Variants in SUPT20H observed in about 807,000 individuals in gnomAD.
SUPT20H encodes the protein SPT20 homolog, SAGA complex component, also known as transcription factor SPT20 homolog.
SUPT20H carries 82 observed loss-of-function variants against 122.8 expected under a neutral mutation model. That is an observed-to-expected ratio of 0.67 (90% CI 0.56 to 0.80). SUPT20H has a LOEUF of 0.80. Among genes scored for constraint, SUPT20H ranks in the 30% least tolerant of loss-of-function variants. SUPT20H has a pLI of 0.00. For missense variants in SUPT20H, 831 were observed against 921.6 expected, an observed-to-expected ratio of 0.90 and a Z score of 1.27; for synonymous variants, 291 against 313.0, an observed-to-expected ratio of 0.93 and a Z score of 0.74.
chr13:37,048,574 T>G lies in SUPT20H; in HGVS notation c.29A>C (p.Asp10Ala). 6.2e-7 allele frequency: 1 copy of G among 1,601,094 alleles called. No individual in the cohort carries two copies. The highest frequency in any genetic ancestry group is 1.1e-5 in the South Asian group (1 of 87,922). Reference sequence around the variant, plus strand: ...TTAGTCACACCTCACCTCTGCACGATCCAAAGCTAGTTCTAAAGCTTGTTG... The same window carrying G: ...TTAGTCACACCTCACCTCTGCACGAGCCAAAGCTAGTTCTAAAGCTTGTTG... MQQALELAL[D>A]RAEYVIESAR... Residue 10 changes from aspartate (D) to alanine (A), a missense_variant, in exon 3 of 26, where the codon GAT (aspartate) becomes GCT (alanine). Transcript: ENST00000350612.
Position 37,022,292 on chromosome 13 carries a change from A to G in SUPT20H, c.1592-212T>C, listed in dbSNP as rs1249969975. 3 of 1,427,618 alleles carry G rather than the reference A, an allele frequency of 2.1e-6. No individual in the cohort carries two copies. The highest frequency in any genetic ancestry group is 2.8e-6 in the Non-Finnish European group (3 of 1,086,668). The allele number at this position is 1,427,618 out of a possible 1,614,324, so 88.4% of individuals were successfully genotyped here. A position where few individuals can be genotyped will look rare whatever the true frequency, so the allele number is the denominator to read the frequency against. On this transcript the variant is annotated intron_variant, in intron 19 of 25. Transcript: ENST00000350612. The surrounding 1 kb of genome is among the most constrained non-coding windows in gnomAD (Gnocchi z 4.5). ...GGGTCGATGAAGGGGTTGGTGTAGG[A>G]GTAGATGGCTTAGGAGTTCCAGATC... is the stretch of plus-strand genomic sequence containing the variant.
intron 1 of SUPT20H, among the ~76,000 whole-genome samples, chr13:37,057,524 TAAAA>T (rs35735192): frequency 4.6e-5 from 5 of 108,460 alleles, no homozygotes; most frequent in Admixed American, 1.0e-4. Flanking sequence ...GCCAAGCCAT[TAAAA>T]AAAAAAAAAA....
At chr13:37,049,126 T>C (rs1200453191) in intron 2 of SUPT20H, among the ~76,000 whole-genome samples, 1 of 152,120 alleles carries the variant, frequency 6.6e-6, no homozygotes, top group African/African-American at 2.4e-5. Flanking sequence ...CATGTTTCAA[T>C]GAATTCAAGA....
intron 12 of SUPT20H, among the ~76,000 whole-genome samples, chr13:37,031,026 A>G (rs1444209837): frequency 6.6e-6 from 1 of 152,156 alleles, no homozygotes; most frequent in Non-Finnish European, 1.5e-5. Context: ...ACATAGGATC[A>G]CTCATCAAAA....
chr13:37,031,664 TATAA>T lies in SUPT20H; in HGVS notation c.865-45_865-42del, dbSNP rs1419876877. Reference sequence around the variant, plus strand: ...CAATATACTGAAAAATTAAAAACAATATAAATATACTGAAAATGCTAAATAAGAC... The same window carrying T: ...CAATATACTGAAAAATTAAAAACAATATATACTGAAAATGCTAAATAAGAC... On this transcript the variant is annotated intron_variant, in intron 11 of 25. Coordinates refer to ENST00000350612, the MANE Select transcript of SUPT20H (RefSeq NM_001014286.3). The T allele has an allele frequency of 1.9e-6, 3 of 1,541,922 alleles. No homozygotes were observed. The Admixed American group carries it at 6.7e-5, about 34-fold the overall frequency.
intron 23 of SUPT20H, 72 bp downstream of exon 23, chr13:37,017,173 G>T: frequency 1.3e-6 from 2 of 1,590,644 alleles, no homozygotes; most frequent in Non-Finnish European, 1.7e-6. Context: ...AGCAAATGAA[G>T]TATGCTTGGA....
At chr13:37,031,487 T>G (rs1386774114) in intron 12 of SUPT20H, 80 bp downstream of exon 12, 10 of 898,276 alleles carry the variant, frequency 1.1e-5, no homozygotes, top group East Asian at 2.8e-5. Flanking sequence ...GTTTTTTTTT[T>G]GTTTTCTCAA....
At chr13:37,052,529 G>A (rs1356292545) in intron 1 of SUPT20H, among the ~76,000 whole-genome samples, 3 of 41,224 alleles carry the variant, frequency 7.3e-5, no homozygotes. Flanking sequence ...AACTCAAGAT[G>A]GAATAAAGAC....
intron 6 of SUPT20H, among the ~76,000 whole-genome samples, chr13:37,044,505 A>C (rs922527863): frequency 9.9e-5 from 15 of 152,150 alleles, no homozygotes; most frequent in Admixed American, 8.5e-4. Flanking sequence ...CAATTAATCT[A>C]ATCTGGAAAT....
chr13:37,012,328 A>G, intron 23 of SUPT20H, 31 bp from the exon 24 acceptor site: 2 of 1,567,764 alleles, frequency 1.3e-6, no homozygotes, highest in Non-Finnish European at 1.7e-6. Context: ...TGACTTGTAC[A>G]AGAAAGAAAA....
intron 9 of SUPT20H, among the ~76,000 whole-genome samples, chr13:37,036,656 C>T (rs1445417842): frequency 6.6e-6 from 1 of 151,978 alleles, no homozygotes; most frequent in African/African-American, 2.4e-5. Context: ...ACTGAGTGTG[C>T]ATGCCTCTTC....
In SUPT20H at chr13:37,040,416, T is replaced by G; in HGVS notation, c.556A>C (p.Lys186Gln). 1 of 1,573,076 alleles carries G rather than the reference T, an allele frequency of 6.4e-7. No individual in the cohort carries two copies. Among genetic ancestry groups the G allele is most frequent in the Non-Finnish European group, 8.6e-7 (1 of 1,167,886 alleles). ...ACAAAACAACTAACCTGGGTCCATTTGTGGTTATCACTTGTTATTGAATGT... is the reference window on the plus strand; with the variant it reads ...ACAAAACAACTAACCTGGGTCCATTGGTGGTTATCACTTGTTATTGAATGT... Reference protein sequence around the residue: ...DVHSITSDNHKWTQEDKLLLE... With the variant: ...DVHSITSDNHQWTQEDKLLLE... The change falls in exon 9 of 26, where the codon AAA (lysine) becomes CAA (glutamine). Residue 186 changes from lysine to glutamine, a missense_variant. Lys to Gln is a moderately conservative substitution (Grantham distance 53). Coordinates refer to ENST00000350612, the MANE Select transcript of SUPT20H (RefSeq NM_001014286.3).
At chr13:37,052,487 T>C (rs1317546397) in intron 1 of SUPT20H, among the ~76,000 whole-genome samples, 2 of 152,072 alleles carry the variant, frequency 1.3e-5, no homozygotes, top group South Asian at 2.1e-4. Flanking sequence ...AAAACAGAAA[T>C]TGGACCCCTT....
At chr13:37,043,840 T>C (rs902878193) in intron 7 of SUPT20H, among the ~76,000 whole-genome samples, 9 of 151,020 alleles carry the variant, frequency 6.0e-5, no homozygotes, top group African/African-American at 2.2e-4. Flanking sequence ...GCTCAAGTGA[T>C]CCTCCTGCCT....
Position 37,018,905 on chromosome 13 carries a change from T to C in SUPT20H, c.1872+437A>G, listed in dbSNP as rs186270335. 2.1e-3 allele frequency among the ~76,000 whole-genome samples: 318 copies of C among 152,208 alleles called. 1 individual carries two copies. Among genetic ancestry groups the C allele is most frequent in the African/African-American group, 7.3e-3 (304 of 41,550 alleles). ...CTCAAGCAATCCACCCACCTGGGTC[T>C]CCCAAAGTGGTGGGATTCTAGGTGT... On this transcript the variant is annotated intron_variant, in intron 22 of 25. Coordinates refer to ENST00000350612, the MANE Select transcript of SUPT20H (RefSeq NM_001014286.3).
Position 37,022,130 on chromosome 13 carries a change from C to G in SUPT20H, c.1592-50G>C. On this transcript the variant is annotated intron_variant, in intron 19 of 25. Coordinates refer to ENST00000350612, the MANE Select transcript of SUPT20H (RefSeq NM_001014286.3). This position sits in a 1 kb window ranked among gnomAD's most constrained non-coding sequence, Gnocchi z 4.5. The stretch of plus-strand genomic sequence containing the variant: ...TGGAAAGAGGAATGGTTGTTACAGG[C>G]ATTGCCTGGCTCAGAGACCTTTGCT... 1.2e-6 allele frequency: 2 copies of G among 1,614,068 alleles called. No homozygotes were observed. Among genetic ancestry groups the G allele is most frequent in the Non-Finnish European group, 1.7e-6 (2 of 1,180,002 alleles).
At chr13:37,042,145 C>T (rs757207741) in intron 7 of SUPT20H, among the ~76,000 whole-genome samples, 7 of 152,038 alleles carry the variant, frequency 4.6e-5, no homozygotes, top group Non-Finnish European at 7.4e-5. Context: ...GCACTGGGCA[C>T]GATCATGTAT....
At chr13:37,033,736 T>C (rs1168315748) in intron 9 of SUPT20H, 148 bp from the exon 10 acceptor site, 9 of 873,250 alleles carry the variant, frequency 1.0e-5, no homozygotes, top group Non-Finnish European at 1.5e-5. Context: ...TTAGTGTGCA[T>C]GTAAACTTTT....
chr13:37,024,527 T>G (rs1031990086), intron 17 of SUPT20H, 85 bp from the exon 18 acceptor site: 4 of 951,602 alleles, frequency 4.2e-6, no homozygotes, highest in Middle Eastern at 2.7e-4. Flanking sequence ...CTTCATAGTT[T>G]ATTAAATAAA....
Sources: gnomAD v4.1 joint callset for allele counts (sites outside exome capture counted in the v4.1 genomes callset) on GRCh38, gnomAD v4.1.1 for gene constraint, Gnocchi (gnomAD v3.1) non-coding constraint, MANE v1.5 for transcripts, NCBI Gene and HGNC (gene_info 2026-07-23, HGNC 2026-07-21) for gene names.